DMXL1: variants seen among roughly 807,000 people sequenced by gnomAD.
The protein encoded by DMXL1 is Dmx like 1, also known as dmX-like protein 1.
A neutral mutation model predicts 319.2 loss-of-function variants in DMXL1; 99 were observed. The ratio of observed to expected loss-of-function variants is 0.31; its 90% CI spans 0.26 to 0.37. DMXL1 has a LOEUF of 0.37. Ranked by LOEUF, DMXL1 falls within the 10% of genes least tolerant of loss-of-function variation. DMXL1 has a pLI of 1.00. For synonymous variants in DMXL1, 1,385 were observed against 1,235.2 expected, an observed-to-expected ratio of 1.12 and a Z score of -2.54; for missense variants, 3,745 against 3,595.6, an observed-to-expected ratio of 1.04 and a Z score of -1.06.
intron 38 of DMXL1, among the ~76,000 whole-genome samples, chr5:119,231,725 T>G (rs1786768608): frequency 6.6e-6 from 1 of 152,208 alleles, no homozygotes; most frequent in South Asian, 2.1e-4. Context: ...GGGAAAACTT[T>G]TATAAGGTGT....
intron 18 of DMXL1, 49 bp from the exon 19 acceptor site, chr5:119,151,880 G>T (rs1247507543): frequency 1.6e-6 from 2 of 1,280,740 alleles, no homozygotes; most frequent in Admixed American, 1.7e-5. Flanking sequence ...GTGTTCTTTT[G>T]CTTACAATTT....
intron 28 of DMXL1, among the ~76,000 whole-genome samples, chr5:119,187,810 G>C (rs575494235): frequency 6.6e-6 from 1 of 152,030 alleles, no homozygotes; most frequent in East Asian, 1.9e-4. Flanking sequence ...TTACAGGCAC[G>C]TGCCACCATG....
chr5:119,217,215 A>G (rs1292854459), intron 35 of DMXL1, among the ~76,000 whole-genome samples: 3 of 152,176 alleles, frequency 2.0e-5, no homozygotes, highest in Non-Finnish European at 4.4e-5. Context: ...TACTATGCAG[A>G]GAGAAGTACC....
rs1290556534 is a variant in DMXL1 at position 119,159,998 on chromosome 5, T to G, written c.4703-4509T>G. On this transcript the variant is annotated intron_variant, in intron 19 of 43. Transcript: ENST00000539542. ...CAGAAAACTGGAAAGTGTTCAGGTTTTTTTCCCCTGTCATTTTTCTAGTTT... is the reference window on the plus strand; with the variant it reads ...CAGAAAACTGGAAAGTGTTCAGGTTGTTTTCCCCTGTCATTTTTCTAGTTT... Among the ~76,000 whole-genome samples, 3 of 152,318 alleles carry G rather than the reference T, an allele frequency of 2.0e-5. No individual in the cohort carries two copies. In the South Asian group the frequency reaches 6.2e-4, roughly 32 times the overall value.
At chr5:119,235,502 T>C (rs1161944978) in intron 39 of DMXL1, among the ~76,000 whole-genome samples, 1 of 152,046 alleles carries the variant, frequency 6.6e-6, no homozygotes, top group African/African-American at 2.4e-5. Context: ...ATAATGATGA[T>C]AATTTAGGAA....
At chr5:119,202,907 T>TTATATATTTATATATATATATA (rs1561865961) in intron 32 of DMXL1, among the ~76,000 whole-genome samples, 8 of 120,238 alleles carry the variant, frequency 6.7e-5, no homozygotes, top group African/African-American at 2.5e-4. Context: ...ATATATATAT[T>TTATATATTTATATATATATATA]TATATATTTT....
intron 26 of DMXL1, 51 bp downstream of exon 26, chr5:119,175,388 TTC>T: frequency 7.4e-7 from 1 of 1,351,132 alleles, no homozygotes; most frequent in African/African-American, 1.4e-5. Context: ...GCAATGAGGT[TTC>T]ATATTTTGTA....
At chr5:119,196,573 C>T (rs1410263307) in intron 31 of DMXL1, 117 bp downstream of exon 31, 2 of 688,718 alleles carry the variant, frequency 2.9e-6, no homozygotes, top group African/African-American at 2.0e-5. Flanking sequence ...TTTCCTGTTA[C>T]AGAAGTTAGA....
At position 119,166,816 on chromosome 5, in the gene DMXL1, A is replaced by G. The variant is rs757043454; in HGVS notation, c.5136+35A>G. The G allele has an allele frequency of 1.6e-5, 24 of 1,542,518 alleles. No individual in the cohort carries two copies. The South Asian group carries it at 2.6e-4, about 17-fold the overall frequency. ...GAAATTTAAATAACAAAGTATAGCA[A>G]TGTCATCTTTTAAAGCTCCTTAGTG... On this transcript the variant is annotated intron_variant, in intron 22 of 43. Transcript: ENST00000539542.
intron 42 of DMXL1, among the ~76,000 whole-genome samples, chr5:119,242,656 C>T (rs577037238): frequency 1.3e-5 from 2 of 152,266 alleles, no homozygotes; most frequent in South Asian, 4.1e-4. Context: ...CAACCAAATA[C>T]TAGAGAAAAA....
chr5:119,171,873 C>G lies in DMXL1; in HGVS notation c.6585C>G (p.Ala2195=), dbSNP rs1252060000. 1.9e-6 allele frequency: 3 copies of G among 1,613,718 alleles called. No homozygotes were observed. Among genetic ancestry groups the G allele is most frequent in the Non-Finnish European group, 2.5e-6 (3 of 1,179,840 alleles). The stretch of plus-strand genomic sequence containing the variant: ...CAGCCAATGCCAAAACAGTAGTTGC[C>G]AATCCATTATTGCACCTTAGTAATC... ...ACTANAKTVV[A]NPLLHLSNLT... Residue 2195 remains alanine, a synonymous_variant, in exon 25 of 44, where the codon GCC becomes GCG. Coordinates refer to ENST00000539542, the MANE Select transcript of DMXL1 (RefSeq NM_001290321.3).
At chr5:119,230,548 C>T (rs115764052) in intron 38 of DMXL1, among the ~76,000 whole-genome samples, 3,720 of 152,226 alleles carry the variant, frequency 0.024, 65 homozygotes, top group Non-Finnish European at 0.035. Context: ...TAAATTTTGG[C>T]GATCTGCCAG....
chr5:119,129,561 A>T, intron 10 of DMXL1, 138 bp downstream of exon 10: 1 of 631,310 alleles, frequency 1.6e-6, no homozygotes, highest in Non-Finnish European at 2.7e-6. Flanking sequence ...CTCATTTAAT[A>T]ATCTAATGTA....
chr5:119,187,518 C>G lies in DMXL1; in HGVS notation c.7136-2190C>G, dbSNP rs191756445. On this transcript the variant is annotated intron_variant, in intron 28 of 43. Transcript: ENST00000539542. ...GGACAAAGAAGAGGGAGTAACTACCCTATTGACAAGTCACAGGTCATTTCT... is the reference window on the plus strand; with the variant it reads ...GGACAAAGAAGAGGGAGTAACTACCGTATTGACAAGTCACAGGTCATTTCT... Among the ~76,000 whole-genome samples, 612 of 152,250 alleles carry G rather than the reference C, an allele frequency of 4.0e-3. 10 individuals carry two copies. The highest frequency in any genetic ancestry group is 0.027 in the South Asian group (128 of 4,828).
At chr5:119,244,335 G>GTT in intron 42 of DMXL1, 24 bp from the exon 43 acceptor site, 13 of 1,417,334 alleles carry the variant, frequency 9.2e-6, no homozygotes, top group Middle Eastern at 2.2e-4. Context: ...AAGTGTTTTT[G>GTT]TTTTTTTTTT....
rs1039668263 is a variant in DMXL1, at chr5:119,248,963, A to G, written c.*1744A>G. The G allele has an allele frequency of 1.0e-4, 16 of 152,556 alleles. No homozygotes were observed. The highest frequency in any genetic ancestry group is 1.4e-4 in the African/African-American group (6 of 41,452). The allele number at this position is 152,556 out of a possible 1,614,324, so 9.5% of individuals were successfully genotyped here. Reference sequence around the variant, plus strand: ...ATTCAAACAGCTTTAAACACTTCCAATGAGATAAAATATTTACTATTATGC... The same window carrying G: ...ATTCAAACAGCTTTAAACACTTCCAGTGAGATAAAATATTTACTATTATGC... On this transcript the variant is annotated 3_prime_UTR_variant, in exon 44 of 44. Coordinates refer to ENST00000539542, the MANE Select transcript of DMXL1 (RefSeq NM_001290321.3).
intron 10 of DMXL1, among the ~76,000 whole-genome samples, chr5:119,132,224 A>C (rs2150042952): frequency 1.3e-5 from 2 of 152,346 alleles, no homozygotes; most frequent in South Asian, 4.1e-4. Flanking sequence ...TGATCTGGCT[A>C]TAAATTATGT....
chr5:119,073,543 T>C (rs1750127792), intron 1 of DMXL1, among the ~76,000 whole-genome samples: 1 of 152,204 alleles, frequency 6.6e-6, no homozygotes, highest in African/African-American at 2.4e-5. Context: ...ATTAGATAGA[T>C]GGTCATCCTG....
intron 19 of DMXL1, among the ~76,000 whole-genome samples, chr5:119,162,407 G>T (rs1772466335): frequency 6.6e-6 from 1 of 152,106 alleles, no homozygotes. Context: ...TCATATTTCT[G>T]CAGGCTGGGA....
Sources: gnomAD v4.1 joint callset for allele counts (sites outside exome capture counted in the v4.1 genomes callset) on GRCh38, gnomAD v4.1.1 for gene constraint, MANE v1.5 for transcripts, NCBI Gene and HGNC (gene_info 2026-07-23, HGNC 2026-07-21) for gene names.